NLRP3: variants seen among roughly 807,000 people sequenced by gnomAD.
NLRP3 encodes the protein NLR family pyrin domain containing 3, also known as NACHT, LRR and PYD domains-containing protein 3.
A neutral mutation model predicts 91.3 loss-of-function variants in NLRP3; 48 were observed. The observed-to-expected ratio is 0.53, with a 90% CI of 0.42 to 0.67. NLRP3 has a LOEUF of 0.67. Ranked by LOEUF, NLRP3 falls within the 30% of genes least tolerant of loss-of-function variation. The pLI, the probability that NLRP3 is intolerant of heterozygous loss-of-function variation, is 0.00. For missense variants in NLRP3, 982 were observed against 1,276.9 expected, an observed-to-expected ratio of 0.77 and a Z score of 3.52; for synonymous variants, 561 against 507.9, an observed-to-expected ratio of 1.10 and a Z score of -1.41.
Position 247,424,755 on chromosome 1 carries a change from A to T in NLRP3, c.1306A>T (p.Thr436Ser). Residue 436 changes from threonine (T) to serine (S), a missense_variant, in exon 4 of 10, where the codon ACC becomes TCC. This residue lies in a region of NLRP3 where 548 missense variants were observed against 713.7 expected (regional missense o/e 0.77). Transcript: ENST00000336119. The surrounding 1 kb of genome is among the most constrained non-coding windows in gnomAD (Gnocchi z 8.1). ...CAAGAGCCTTGCCCAGACATCCAAG[A>T]CCACCACCGCGGTGTACGTCTTCTT... Reference protein sequence around the residue: ...SGKSLAQTSKTTTAVYVFFLS... With the variant: ...SGKSLAQTSKSTTAVYVFFLS... The T allele has an allele frequency of 6.2e-7, 1 of 1,613,204 alleles. No homozygotes were observed. Among genetic ancestry groups the T allele is most frequent in the Non-Finnish European group, 8.5e-7 (1 of 1,180,010 alleles).
Position 247,423,360 on chromosome 1 carries a change from G to T in NLRP3, c.397+11G>T, listed in dbSNP as rs373814715. On this transcript the variant is annotated intron_variant, in intron 3 of 9. Transcript: ENST00000336119. Reference sequence around the variant, plus strand: ...GTAAAATGAAGAAAGGTAAGCGACTGGGGTGGTGCTTCTAGTTGAGTTTTA... The same window carrying T: ...GTAAAATGAAGAAAGGTAAGCGACTTGGGTGGTGCTTCTAGTTGAGTTTTA... 102 of 1,613,644 alleles carry T rather than the reference G, an allele frequency of 6.3e-5. 1 individual carries two copies. The highest frequency in any genetic ancestry group is 8.4e-5 in the Non-Finnish European group (99 of 1,179,862).
intron 1 of NLRP3, among the ~76,000 whole-genome samples, chr1:247,417,355 G>A (rs1662131860): frequency 6.6e-6 from 1 of 152,238 alleles, no homozygotes; most frequent in Admixed American, 6.5e-5. Flanking sequence ...GTGCAGGTTA[G>A]ATGGGGAAAA....
intron 7 of NLRP3, among the ~76,000 whole-genome samples, chr1:247,436,835 C>T (rs1663822499): frequency 6.6e-6 from 1 of 152,236 alleles, no homozygotes; most frequent in African/African-American, 2.4e-5. Context: ...CACTAATAAT[C>T]ATGCACTTTC....
At chr1:247,420,100 T>G (rs1374417901) in intron 2 of NLRP3, among the ~76,000 whole-genome samples, 1 of 152,236 alleles carries the variant, frequency 6.6e-6, no homozygotes, top group African/African-American at 2.4e-5. Flanking sequence ...TTTTTTATAG[T>G]AGCCATTCTA....
At chr1:247,440,884 C>T (rs1443741955) in intron 7 of NLRP3, among the ~76,000 whole-genome samples, 1 of 152,078 alleles carries the variant, frequency 6.6e-6, no homozygotes, top group East Asian at 1.9e-4. Flanking sequence ...TTCTACTATC[C>T]ATCTAAGAAG....
intron 2 of NLRP3, among the ~76,000 whole-genome samples, chr1:247,420,375 G>C (rs10925015): frequency 0.33 from 49,900 of 151,710 alleles, 10,151 homozygotes; most frequent in East Asian, 0.47. Context: ...TTTTCATTTG[G>C]TTAACTGTGT....
chr1:247,448,588 C>T lies in NLRP3; in HGVS notation c.*84C>T, dbSNP rs1022768105. On this transcript the variant is annotated 3_prime_UTR_variant, in exon 10 of 10. Transcript: ENST00000336119. The stretch of plus-strand genomic sequence containing the variant: ...CAGGTGGAGAGAGCTGCGATCCATC[C>T]AGGCCAAGACCACAGCTCTGTGATC... 3 of 828,176 alleles carry T rather than the reference C, an allele frequency of 3.6e-6. No individual in the cohort carries two copies. Among genetic ancestry groups the T allele is most frequent in the Non-Finnish European group, 6.4e-6 (3 of 466,674 alleles). 51.3% of individuals were successfully genotyped at this position (828,176 alleles called of 1,614,324 possible).
chr1:247,443,833 T>C (rs1175535025), intron 7 of NLRP3, 139 bp from the exon 8 acceptor site: 1 of 791,406 alleles, frequency 1.3e-6, no homozygotes, highest in African/African-American at 1.7e-5. Context: ...TCTCCCCAGA[T>C]CATATCTGAG....
chr1:247,430,028 C>A (rs958599643), intron 5 of NLRP3, among the ~76,000 whole-genome samples: 3 of 152,112 alleles, frequency 2.0e-5, no homozygotes, highest in Non-Finnish European at 2.9e-5. Flanking sequence ...GCACCCACCA[C>A]CATACCCAGC....
Position 247,425,349 on chromosome 1 carries a change from G to C in NLRP3, c.1900G>C (p.Glu634Gln), listed in dbSNP as rs763186819. The change falls in exon 4 of 10, where the codon GAG becomes CAG. Residue 634 changes from glutamate (E) to glutamine (Q), a missense_variant. This residue lies in a region of NLRP3 where 373 missense variants were observed against 431.5 expected (regional missense o/e 0.86). Coordinates refer to ENST00000336119, the MANE Select transcript of NLRP3 (RefSeq NM_001243133.2). This position sits in a 1 kb window ranked among gnomAD's most constrained non-coding sequence, Gnocchi z 4.1. ...GCTGGAATTGTTCTACTGTTTGTACGAGATGCAGGAGGAGGACTTCGTGCA... is the reference window on the plus strand; with the variant it reads ...GCTGGAATTGTTCTACTGTTTGTACCAGATGCAGGAGGAGGACTTCGTGCA... Reference protein sequence around the residue: ...SQLELFYCLYEMQEEDFVQRA... With the variant: ...SQLELFYCLYQMQEEDFVQRA... The C allele has an allele frequency of 6.2e-7, 1 of 1,614,180 alleles. No individual in the cohort carries two copies. Among genetic ancestry groups the C allele is most frequent in the South Asian group, 1.1e-5 (1 of 91,078 alleles).
At chr1:247,443,504 G>T (rs757387647) in intron 7 of NLRP3, among the ~76,000 whole-genome samples, 61 of 150,656 alleles carry the variant, frequency 4.0e-4, no homozygotes, top group Non-Finnish European at 7.7e-4. Context: ...TGTTGTCTTT[G>T]ATGTTTAAAT....
At position 247,436,018 on chromosome 1, in the gene NLRP3, A is replaced by C; in HGVS notation, c.2541A>C (p.Ser847=). The change falls in exon 7 of 10, where the codon TCA becomes TCC. Residue 847 remains serine (S), a synonymous_variant. Transcript: ENST00000336119. ...LTSACCQDLA[S]VLSTSHSLTR... ...CAGCATGTTGTCAGGATCTTGCATC[A>C]GTATTGAGCACCAGCCATTCCCTGA... 1.2e-6 allele frequency: 2 copies of C among 1,614,190 alleles called. No individual in the cohort carries two copies. Among genetic ancestry groups the C allele is most frequent in the South Asian group, 1.1e-5 (1 of 91,084 alleles).
intron 7 of NLRP3, 79 bp downstream of exon 7, chr1:247,436,219 A>C: frequency 6.9e-7 from 1 of 1,449,560 alleles, no homozygotes; most frequent in Non-Finnish European, 9.6e-7. Context: ...GATGGGGGTT[A>C]CTTTGGTCAG....
chr1:247,432,727 G>A (rs1663428419), intron 5 of NLRP3, among the ~76,000 whole-genome samples: 5 of 152,158 alleles, frequency 3.3e-5, no homozygotes, highest in Admixed American at 3.3e-4. Flanking sequence ...AAGGAAGGTG[G>A]TCTAACAGGC....
intron 2 of NLRP3, among the ~76,000 whole-genome samples, chr1:247,421,395 A>T (rs1375194953): frequency 6.6e-6 from 1 of 152,188 alleles, no homozygotes; most frequent in Non-Finnish European, 1.5e-5. Context: ...CTAAGGCAGG[A>T]GGATCGCTTG....
chr1:247,441,265 G>A (rs1193262685), intron 7 of NLRP3, among the ~76,000 whole-genome samples: 1 of 131,148 alleles, frequency 7.6e-6, no homozygotes, highest in Non-Finnish European at 1.6e-5. Context: ...TTAAGACAGG[G>A]TTTTGCTCTG....
intron 4 of NLRP3, 140 bp from the exon 5 acceptor site, chr1:247,429,445 C>T: frequency 2.3e-6 from 2 of 887,748 alleles, no homozygotes; most frequent in African/African-American, 1.6e-5. Context: ...TCTCTGGGAA[C>T]AATTTTTGGT....
rs1249839032 is a variant in NLRP3 at position 247,429,714 on chromosome 1, T to C, written c.2280T>C (p.Cys760=). The change falls in exon 5 of 10, where the codon TGT becomes TGC. Residue 760 remains cysteine, a synonymous_variant. Transcript: ENST00000336119. ...SLGDPGMRVL[C]ETLQHPGCNI... is the part of the protein sequence containing the mutation. ...GGGACCCAGGGATGAGAGTGTTGTG[T>C]GAAACGCTCCAGCATCCTGGCTGTA... 6.2e-7 allele frequency: 1 copy of C among 1,614,132 alleles called. No homozygotes were observed. Among genetic ancestry groups the C allele is most frequent in the Admixed American group, 1.7e-5 (1 of 60,024 alleles).
chr1:247,436,802 A>C (rs531192277), intron 7 of NLRP3, among the ~76,000 whole-genome samples: 6 of 152,344 alleles, frequency 3.9e-5, no homozygotes, highest in Non-Finnish European at 8.8e-5. Context: ...GGAATTCTGC[A>C]GTAAACAGTA....
Sources: gnomAD v4.1 joint callset for allele counts (sites outside exome capture counted in the v4.1 genomes callset) on GRCh38, gnomAD v4.1.1 for gene constraint, gnomAD v4.1.1 regional missense constraint, Gnocchi (gnomAD v3.1) non-coding constraint, MANE v1.5 for transcripts, NCBI Gene and HGNC (gene_info 2026-07-23, HGNC 2026-07-21) for gene names.